The following SAMD9L variants were observed in gnomAD, a reference collection of about 807,000 sequenced individuals.
SAMD9L encodes sterile alpha motif domain containing 9 like.
SAMD9L carries 68 observed loss-of-function variants against 90.7 expected under a neutral mutation model. The observed-to-expected ratio is 0.75, with a 90% CI of 0.62 to 0.92. SAMD9L has a LOEUF of 0.92. Ranked by LOEUF, SAMD9L falls within the 40% of genes least tolerant of loss-of-function variation. The pLI, the probability that SAMD9L is intolerant of heterozygous loss-of-function variation, is 0.00. For synonymous variants in SAMD9L, 640 were observed against 630.1 expected, an observed-to-expected ratio of 1.02 and a Z score of -0.23; for missense variants, 1,604 against 1,824.3, an observed-to-expected ratio of 0.88 and a Z score of 2.20.
rs781131220 is a variant in SAMD9L at position 93,133,832 on chromosome 7, T to C, written c.2140A>G (p.Ser714Gly). 6.2e-7 allele frequency: 1 copy of C among 1,613,474 alleles called. No homozygotes were observed. Among genetic ancestry groups the C allele is most frequent in the South Asian group, 1.1e-5 (1 of 91,010 alleles). ...ATTAAATCTTTAAGCTTTTCATAAC[T>C]GTCCCTTTTAACAAAATCTGAAGAA... The part of the protein sequence containing the change: ...NYSSDFVKRD[S>G]YEKLKDLIHC... The change falls in exon 5 of 5, where the codon AGT (serine) becomes GGT (glycine). Residue 714 changes from serine to glycine, a missense_variant. Ser to Gly is a moderately conservative substitution (Grantham distance 56, BLOSUM62 0). This residue lies in a region of SAMD9L where 606 missense variants were observed against 717.6 expected (regional missense o/e 0.84). Coordinates refer to ENST00000318238, the MANE Select transcript of SAMD9L (RefSeq NM_152703.5).
At position 93,138,504 on chromosome 7, in the gene SAMD9L, A is replaced by G. The variant is rs77646880; in HGVS notation, c.-20-2513T>C. 2.0e-5 allele frequency among the ~76,000 whole-genome samples: 3 copies of G among 152,278 alleles called. No individual in the cohort carries two copies. The East Asian group carries it at 5.8e-4, about 29-fold the overall frequency. ...GTAGTGCTTTTTGTCAGACACAAGA[A>G]GGAGTCTAGGCCTAGGATATATGAG... On this transcript the variant is annotated intron_variant, in intron 4 of 4. Transcript: ENST00000318238.
At chr7:93,137,118 A>G (rs1308050951) in intron 4 of SAMD9L, among the ~76,000 whole-genome samples, 1 of 152,246 alleles carries the variant, frequency 6.6e-6, no homozygotes, top group Non-Finnish European at 1.5e-5. Flanking sequence ...ATGAAACAAA[A>G]ACACTAAACT....
In SAMD9L at chr7:93,131,524, C is replaced by T; in HGVS notation, c.4448G>A (p.Gly1483Asp). 3 of 1,613,976 alleles carry T rather than the reference C, an allele frequency of 1.9e-6. No homozygotes were observed. Among genetic ancestry groups the T allele is most frequent in the Non-Finnish European group, 1.7e-6 (2 of 1,179,900 alleles). ...GGCCTTGTGAACAATACTGTTTAGA[C>T]CCTTCCTTTTGCCCAGATAGAAAAG... ...STLFYLGKRK[G>D]LNSIVHKAKI... The change falls in exon 5 of 5, where the codon GGT (glycine) becomes GAT (aspartate). Residue 1483 changes from glycine to aspartate, a missense_variant. Gly to Asp is a moderately conservative substitution (Grantham distance 94). Coordinates refer to ENST00000318238, the MANE Select transcript of SAMD9L (RefSeq NM_152703.5).
rs958131859 is a variant in SAMD9L, at chr7:93,130,259, A to G, written c.*958T>C. 2 of 152,164 alleles carry G rather than the reference A, an allele frequency of 1.3e-5. No homozygotes were observed. Among genetic ancestry groups the G allele is most frequent in the African/African-American group, 2.4e-5 (1 of 41,442 alleles). The allele number at this position is 152,164 out of a possible 1,614,324, so 9.4% of individuals were successfully genotyped here. ...TTGAGAACACATATTACCATGAGGAAGCCCTCTAATCAGGCAGGAATGATG... is the reference window on the plus strand; with the variant it reads ...TTGAGAACACATATTACCATGAGGAGGCCCTCTAATCAGGCAGGAATGATG... On this transcript the variant is annotated 3_prime_UTR_variant, in exon 5 of 5. Coordinates refer to ENST00000318238, the MANE Select transcript of SAMD9L (RefSeq NM_152703.5).
Position 93,131,646 on chromosome 7 carries a change from A to T in SAMD9L, c.4326T>A (p.Asp1442Glu). The T allele has an allele frequency of 3.7e-6, 6 of 1,613,892 alleles. No homozygotes were observed. Among genetic ancestry groups the T allele is most frequent in the Non-Finnish European group, 5.1e-6 (6 of 1,179,890 alleles). The change falls in exon 5 of 5, where the codon GAT (aspartate) becomes GAA (glutamate). Residue 1442 changes from aspartate (D) to glutamate (E), a missense_variant. Physicochemically the swap from Asp to Glu is conservative, Grantham distance 45. Coordinates refer to ENST00000318238, the MANE Select transcript of SAMD9L (RefSeq NM_152703.5). ...LLFWPENQEL[D>E]QDSKLIEKYV... The stretch of plus-strand genomic sequence containing the variant: ...ACTTTTCTATTAGTTTGGAATCTTG[A>T]TCTAGCTCTTGATTTTCTGGCCAGA...
Position 93,131,694 on chromosome 7 carries a change from A to G in SAMD9L, c.4278T>C (p.Pro1426=). Residue 1426 remains proline, a synonymous_variant, in exon 5 of 5, where the codon CCT becomes CCC. Coordinates refer to ENST00000318238, the MANE Select transcript of SAMD9L (RefSeq NM_152703.5). The part of the protein sequence containing the change: ...FVGLSHQYPG[P]YFLACLLFWP... Reference sequence around the variant, plus strand: ...AGAACAGGAGGCAGGCCAAGAAATAAGGACCTGGATATTGATGACTTAGTC... The same window carrying G: ...AGAACAGGAGGCAGGCCAAGAAATAGGGACCTGGATATTGATGACTTAGTC... The G allele has an allele frequency of 6.2e-7, 1 of 1,613,960 alleles. No homozygotes were observed. Among genetic ancestry groups the G allele is most frequent in the Non-Finnish European group, 8.5e-7 (1 of 1,179,888 alleles).
Position 93,131,281 on chromosome 7 carries a change from C to G in SAMD9L, c.4691G>C (p.Arg1564Thr). 6.2e-7 allele frequency: 1 copy of G among 1,606,578 alleles called. No homozygotes were observed. Among genetic ancestry groups the G allele is most frequent in the Non-Finnish European group, 8.5e-7 (1 of 1,177,424 alleles). Reference protein sequence around the residue: ...GPLRSGRNIERVSFYLGFSIE... With the variant: ...GPLRSGRNIETVSFYLGFSIE... Reference sequence around the variant, plus strand: ...GGAAAATCCTAGGTAGAAAGACACTCTTTCTATGTTCCTACCACTTCTGAG... The same window carrying G: ...GGAAAATCCTAGGTAGAAAGACACTGTTTCTATGTTCCTACCACTTCTGAG... Residue 1564 changes from arginine (R) to threonine (T), a missense_variant, in exon 5 of 5, where the codon AGA (arginine) becomes ACA (threonine). Around this residue, in one of 7 missense-constraint regions of SAMD9L, gnomAD observed 282 missense variants for 329.6 expected, o/e 0.86. Coordinates refer to ENST00000318238, the MANE Select transcript of SAMD9L (RefSeq NM_152703.5).
At chr7:93,136,040 A>T in intron 4 of SAMD9L, 49 bp from the exon 5 acceptor site, 1 of 1,219,810 alleles carries the variant, frequency 8.2e-7, no homozygotes, top group Non-Finnish European at 1.1e-6. Context: ...CTTTATTTTT[A>T]AAATCACATA....
Position 93,135,300 on chromosome 7 carries a change from A to G in SAMD9L, c.672T>C (p.Phe224=), listed in dbSNP as rs142623378. 1.3e-5 allele frequency: 21 copies of G among 1,614,048 alleles called. No homozygotes were observed. Among genetic ancestry groups the G allele is most frequent in the Non-Finnish European group, 1.7e-5 (20 of 1,180,008 alleles). The change falls in exon 5 of 5, where the codon TTT becomes TTC. Residue 224 remains phenylalanine, a synonymous_variant. Transcript: ENST00000318238. ...TGCGTGAATTCATACAAGCTGATGC[A>G]AATCGGAAGACTTCATTGCTGAATT... ...KMKFSNEVFR[F]ASACMNSRTN... is the part of the protein sequence containing the mutation.
In SAMD9L at chr7:93,132,569, A is replaced by G. The variant is rs758376302; in HGVS notation, c.3403T>C (p.Leu1135=). The change falls in exon 5 of 5, where the codon TTG becomes CTG. Residue 1135 remains leucine (L), a synonymous_variant. Coordinates refer to ENST00000318238, the MANE Select transcript of SAMD9L (RefSeq NM_152703.5). The part of the protein sequence containing the change: ...QVYKSEIKWW[L]DGNKNCRSIT... ...CTCCTACAGTTTTTGTTCCCATCCAACCACCATTTGATTTCACTTTTGTAG... is the reference window on the plus strand; with the variant it reads ...CTCCTACAGTTTTTGTTCCCATCCAGCCACCATTTGATTTCACTTTTGTAG... The G allele has an allele frequency of 5.0e-6, 8 of 1,613,832 alleles. No homozygotes were observed. Among genetic ancestry groups the G allele is most frequent in the East Asian group, 2.2e-5 (1 of 44,872 alleles).
intron 1 of SAMD9L, among the ~76,000 whole-genome samples, chr7:93,147,898 G>GCATCGTTTCTCTATCCTCTTTTC (rs1792953630): frequency 6.6e-6 from 1 of 152,114 alleles, no homozygotes; most frequent in Admixed American, 6.5e-5. Flanking sequence ...GACCCTGTTT[G>GCATCGTTTCTCTATCCTCTTTTC]CATCGTTTCT....
At position 93,132,849 on chromosome 7, in the gene SAMD9L, T is replaced by G. The variant is rs1481300103; in HGVS notation, c.3123A>C (p.Thr1041=). 1.4e-5 allele frequency: 23 copies of G among 1,613,838 alleles called. No individual in the cohort carries two copies. The highest frequency in any genetic ancestry group is 1.9e-5 in the Non-Finnish European group (23 of 1,179,810). The stretch of plus-strand genomic sequence containing the variant: ...CATCTCCATACACCTTGCGCTGTCT[T>G]GTAAGCAGAAGAGTTTGAACATCAT... ...FQHDVQTLLL[T]RQRKVYGDET... The change falls in exon 5 of 5, where the codon ACA becomes ACC. Residue 1041 remains threonine, a synonymous_variant. Transcript: ENST00000318238.
chr7:93,131,557 G>T lies in SAMD9L; in HGVS notation c.4415C>A (p.Ala1472Glu). 1 of 1,613,934 alleles carries T rather than the reference G, an allele frequency of 6.2e-7. No homozygotes were observed. The stretch of plus-strand genomic sequence containing the variant: ...TTTGCCCAGATAGAAAAGTGTGCTT[G>T]CCTGCTTGGACCTGCACATGCGCTT... Reference protein sequence around the residue: ...QYKRMCRSKQASTLFYLGKRK... With the variant: ...QYKRMCRSKQESTLFYLGKRK... The change falls in exon 5 of 5, where the codon GCA (alanine) becomes GAA (glutamate). Residue 1472 changes from alanine (A) to glutamate (E), a missense_variant. By Grantham distance (107) the Ala-to-Glu change is moderately radical. Coordinates refer to ENST00000318238, the MANE Select transcript of SAMD9L (RefSeq NM_152703.5).
intron 4 of SAMD9L, among the ~76,000 whole-genome samples, chr7:93,137,861 T>C (rs1792519680): frequency 1.3e-5 from 2 of 151,870 alleles, no homozygotes; most frequent in Non-Finnish European, 2.9e-5. Context: ...CTTGAAGTTA[T>C]GTATGGAGAA....
rs1792426913 is a variant in SAMD9L, at chr7:93,135,856, C to A, written c.116G>T (p.Ser39Ile). 8.1e-6 allele frequency: 13 copies of A among 1,614,028 alleles called. No individual in the cohort carries two copies. The highest frequency in any genetic ancestry group is 1.1e-5 in the Non-Finnish European group (13 of 1,179,960). Residue 39 changes from serine (S) to isoleucine (I), a missense_variant, in exon 5 of 5, where the codon AGT becomes ATT. Ser to Ile is a moderately radical substitution (Grantham distance 142). Transcript: ENST00000318238. ...INEQYGQILLSEEVTGLVLQE... is the reference protein window; with the variant it reads ...INEQYGQILLIEEVTGLVLQE... ...CAGGACTAATCCTGTTACTTCTTCA[C>A]TGAGCAGAATTTGCCCGTATTGCTC...
rs574472008 is a variant in SAMD9L, at chr7:93,135,277, C to A, written c.695G>T (p.Arg232Leu). The A allele has an allele frequency of 6.2e-7, 1 of 1,614,088 alleles. No individual in the cohort carries two copies. Among genetic ancestry groups the A allele is most frequent in the South Asian group, 1.1e-5 (1 of 91,086 alleles). Reference sequence around the variant, plus strand: ...TCCAAAATGGATGGTGCCATTGGTGCGTGAATTCATACAAGCTGATGCAAA... The same window carrying A: ...TCCAAAATGGATGGTGCCATTGGTGAGTGAATTCATACAAGCTGATGCAAA... ...FRFASACMNS[R>L]TNGTIHFGVK... Residue 232 changes from arginine (R) to leucine (L), a missense_variant, in exon 5 of 5, where the codon CGC becomes CTC. By Grantham distance (102) the Arg-to-Leu change is moderately radical. This residue lies in a region of SAMD9L where 374 missense variants were observed against 363.6 expected (regional missense o/e 1.03). Coordinates refer to ENST00000318238, the MANE Select transcript of SAMD9L (RefSeq NM_152703.5).
At position 93,134,474 on chromosome 7, in the gene SAMD9L, C is replaced by T. The variant is rs746667481; in HGVS notation, c.1498G>A (p.Gly500Ser). Residue 500 changes from glycine (G) to serine (S), a missense_variant, in exon 5 of 5, where the codon GGC (glycine) becomes AGC (serine). Gly to Ser is a moderately conservative substitution (Grantham distance 56). Coordinates refer to ENST00000318238, the MANE Select transcript of SAMD9L (RefSeq NM_152703.5). ...YQQPSWIFCN[G>S]RSDLKSETYK... ...GTCTCGCTTTTCAGGTCTGATCTGC[C>T]GTTGCAGAAAATCCAGCTGGGCTGT... 1.7e-5 allele frequency: 28 copies of T among 1,613,764 alleles called. No homozygotes were observed. The highest frequency in any genetic ancestry group is 3.3e-5 in the Admixed American group (2 of 59,972).
Position 93,131,169 on chromosome 7 carries a change from T to C in SAMD9L, c.*48A>G. On this transcript the variant is annotated 3_prime_UTR_variant, in exon 5 of 5. Coordinates refer to ENST00000318238, the MANE Select transcript of SAMD9L (RefSeq NM_152703.5). ...ATGAGAATAGAGAGAGAGAATAAAA[T>C]CATAAAGATATAAATAAACGTATTT... is the stretch of plus-strand genomic sequence containing the variant. 9.0e-7 allele frequency: 1 copy of C among 1,115,606 alleles called. No homozygotes were observed. The highest frequency in any genetic ancestry group is 1.6e-5 in the African/African-American group (1 of 63,414). The allele number at this position is 1,115,606 out of a possible 1,614,324, so 69.1% of individuals were successfully genotyped here.
Position 93,134,446 on chromosome 7 carries a change from T to C in SAMD9L, c.1526A>G (p.Tyr509Cys). Reference sequence around the variant, plus strand: ...CCATAAATGTGGTTCTAGAGGTTTATATGTCTCGCTTTTCAGGTCTGATCT... The same window carrying C: ...CCATAAATGTGGTTCTAGAGGTTTACATGTCTCGCTTTTCAGGTCTGATCT... ...NGRSDLKSET[Y>C]KPLEPHLWQR... Residue 509 changes from tyrosine (Y) to cysteine (C), a missense_variant, in exon 5 of 5, where the codon TAT (tyrosine) becomes TGT (cysteine). Physicochemically the swap from Tyr to Cys is radical, Grantham distance 194. Around this residue, in one of 7 missense-constraint regions of SAMD9L, gnomAD observed 606 missense variants for 717.6 expected, o/e 0.84. Transcript: ENST00000318238. 3 of 1,614,000 alleles carry C rather than the reference T, an allele frequency of 1.9e-6. No homozygotes were observed. Among genetic ancestry groups the C allele is most frequent in the South Asian group, 2.2e-5 (2 of 91,080 alleles).
Sources: allele counts gnomAD v4.1 joint callset (sites outside exome capture counted in the v4.1 genomes callset), GRCh38; gene constraint gnomAD v4.1.1; regional missense constraint gnomAD v4.1.1; transcripts MANE v1.5; gene names NCBI Gene and HGNC (gene_info 2026-07-23, HGNC 2026-07-21).